Variants in EPHB1 observed in about 807,000 individuals in gnomAD.
EPHB1 encodes the protein ephrin type-B receptor 1.
In EPHB1, 30 loss-of-function variants were observed where a neutral mutation model predicts 94.4. The observed-to-expected ratio is 0.32, with a 90% CI of 0.24 to 0.43. The LOEUF is 0.43. Among genes scored for constraint, EPHB1 ranks in the 20% least tolerant of loss-of-function variants. The pLI is 1.00. For missense variants in EPHB1, 1,055 were observed against 1,308.3 expected (o/e 0.81, Z 2.99); for synonymous variants, 522 against 489.1 (o/e 1.07, Z -0.89).
rs575783196 is a variant in EPHB1 at position 135,028,229 on chromosome 3, T to A, written c.805+76177T>A. 1.4e-3 allele frequency among the ~76,000 whole-genome samples: 214 copies of A among 147,742 alleles called. 3 individuals are homozygous for A. The highest frequency in any genetic ancestry group is 0.013 in the Admixed American group (197 of 14,958). On this transcript the variant is annotated intron_variant, in intron 3 of 15. Coordinates refer to ENST00000398015, the MANE Select transcript of EPHB1 (RefSeq NM_004441.5). Reference sequence around the variant, plus strand: ...TTTTTTGTGTCTCTATTTCCTTCAGTTCTGCTCTGATTTTAGTTATTTCTT... The same window carrying A: ...TTTTTTGTGTCTCTATTTCCTTCAGATCTGCTCTGATTTTAGTTATTTCTT...
At chr3:134,815,251 T>C in intron 1 of EPHB1, among the ~76,000 whole-genome samples, 1 of 152,246 alleles carries the variant, frequency 6.6e-6, no homozygotes, top group East Asian at 1.9e-4. Context: ...AACTGCATTG[T>C]GGTCAAATAA....
intron 1 of EPHB1, among the ~76,000 whole-genome samples, chr3:134,824,720 C>T (rs1161779511): frequency 6.6e-6 from 1 of 152,180 alleles, no homozygotes; most frequent in Non-Finnish European, 1.5e-5. Flanking sequence ...TCTAGGGACT[C>T]TAGCTGTTAG....
intron 1 of EPHB1, among the ~76,000 whole-genome samples, chr3:134,818,456 G>T (rs2036311545): frequency 6.6e-6 from 1 of 152,188 alleles, no homozygotes; most frequent in Non-Finnish European, 1.5e-5. Flanking sequence ...TGATTTGTGA[G>T]ATTTTGGTGC....
chr3:135,066,841 G>A (rs981697787), intron 3 of EPHB1, among the ~76,000 whole-genome samples: 7 of 152,166 alleles, frequency 4.6e-5, no homozygotes, highest in Admixed American at 1.3e-4. Flanking sequence ...GAGGGAAAGG[G>A]CTGAAGGCTG....
intron 12 of EPHB1, among the ~76,000 whole-genome samples, chr3:135,217,605 C>T (rs1462679973): frequency 6.6e-6 from 1 of 152,136 alleles, no homozygotes; most frequent in African/African-American, 2.4e-5. Flanking sequence ...CAGGGCTACC[C>T]AGAAACATAC....
chr3:135,030,225 G>A (rs545923156), intron 3 of EPHB1, among the ~76,000 whole-genome samples: 98 of 152,260 alleles, frequency 6.4e-4, no homozygotes, highest in Admixed American at 1.3e-3. Context: ...CTCTCAGCTC[G>A]TCAAAGTCAT....
intron 1 of EPHB1, among the ~76,000 whole-genome samples, chr3:134,891,634 A>T (rs1433223870): frequency 1.3e-5 from 2 of 152,194 alleles, no homozygotes; most frequent in African/African-American, 4.8e-5. Flanking sequence ...TATATAATAG[A>T]TTCTCTATTG....
chr3:134,915,516 TTGG>T (rs1028327880), intron 1 of EPHB1, among the ~76,000 whole-genome samples: 1 of 152,136 alleles, frequency 6.6e-6, no homozygotes, highest in African/African-American at 2.4e-5. Flanking sequence ...GTGTCTGGAA[TTGG>T]TGGGTTCTTG....
chr3:135,126,549 C>A lies in EPHB1; in HGVS notation c.962-6165C>A, dbSNP rs571195489. On this transcript the variant is annotated intron_variant, in intron 4 of 15. Coordinates refer to ENST00000398015, the MANE Select transcript of EPHB1 (RefSeq NM_004441.5). ...AGCCCAGTACCTAATAAGAACTGGA[C>A]CCATTCTGGAGACACAGCCCCATGC... Among the ~76,000 whole-genome samples the A allele has an allele frequency of 1.4e-4, 22 of 152,272 alleles. No individual in the cohort carries two copies. In the South Asian group the frequency reaches 4.1e-3, roughly 29 times the overall value.
chr3:135,087,960 C>T lies in EPHB1; in HGVS notation c.806-18488C>T, dbSNP rs765896656. On this transcript the variant is annotated intron_variant, in intron 3 of 15. Transcript: ENST00000398015. The stretch of plus-strand genomic sequence containing the variant: ...ACCCAGCAGCCACATCCATGCATCA[C>T]GTTTTTACATCTGGTCAGGAATTCA... Among the ~76,000 whole-genome samples, 7 of 152,176 alleles carry T rather than the reference C, an allele frequency of 4.6e-5. No homozygotes were observed. The East Asian group carries it at 5.8e-4, about 13-fold the overall frequency.
rs183224136 is a variant in EPHB1 at position 134,830,306 on chromosome 3, G to A, written c.58+34617G>A. Among the ~76,000 whole-genome samples the A allele has an allele frequency of 4.7e-3, 711 of 152,104 alleles. 3 individuals are homozygous for A. The highest frequency in any genetic ancestry group is 0.017 in the African/African-American group (693 of 41,480). ...GCCACAGTACAATAATCAAAATCAGGGAATTAACACACATACAATATTATT... is the reference window on the plus strand; with the variant it reads ...GCCACAGTACAATAATCAAAATCAGAGAATTAACACACATACAATATTATT... On this transcript the variant is annotated intron_variant, in intron 1 of 15. Transcript: ENST00000398015.
At chr3:134,804,064 A>G (rs1193426467) in intron 1 of EPHB1, among the ~76,000 whole-genome samples, 1 of 70,232 alleles carries the variant, frequency 1.4e-5, no homozygotes, top group East Asian at 4.1e-4. Flanking sequence ...TGTGGTCATT[A>G]TTGGCTATTT....
At chr3:135,117,183 AATGT>A (rs573908668) in intron 4 of EPHB1, among the ~76,000 whole-genome samples, 253 of 152,360 alleles carry the variant, frequency 1.7e-3, no homozygotes, top group Middle Eastern at 0.01. Flanking sequence ...GTTTCTGAAT[AATGT>A]ATGAAGTTAG....
At chr3:135,161,646 A>G (rs7634851) in intron 6 of EPHB1, among the ~76,000 whole-genome samples, 1 of 152,092 alleles carries the variant, frequency 6.6e-6, no homozygotes, top group Non-Finnish European at 1.5e-5. Flanking sequence ...GCCTAGTTTG[A>G]GTCTGCTGAG....
intron 9 of EPHB1, among the ~76,000 whole-genome samples, chr3:135,168,461 T>C (rs148765352): frequency 6.6e-6 from 1 of 152,368 alleles, no homozygotes; most frequent in East Asian, 1.9e-4. Flanking sequence ...TCTCTTTCCT[T>C]TCCTATGGCC....
At chr3:135,120,592 C>T (rs933422885) in intron 4 of EPHB1, among the ~76,000 whole-genome samples, 1 of 152,194 alleles carries the variant, frequency 6.6e-6, no homozygotes, top group African/African-American at 2.4e-5. Flanking sequence ...TCAGGACTTT[C>T]TCTTGGGTGA....
chr3:134,973,783 G>A (rs1934077103), intron 3 of EPHB1, among the ~76,000 whole-genome samples: 1 of 152,128 alleles, frequency 6.6e-6, no homozygotes, highest in South Asian at 2.1e-4. Flanking sequence ...AAATGCCAAG[G>A]GTTGGTAGGA....
At chr3:135,080,430 T>C (rs745616521) in intron 3 of EPHB1, among the ~76,000 whole-genome samples, 7 of 152,224 alleles carry the variant, frequency 4.6e-5, no homozygotes, top group African/African-American at 7.2e-5. Flanking sequence ...GAATTGTTTC[T>C]GGGGTAAGTG....
intron 1 of EPHB1, among the ~76,000 whole-genome samples, chr3:134,814,539 G>T (rs894812007): frequency 6.6e-6 from 1 of 152,124 alleles, no homozygotes; most frequent in Non-Finnish European, 1.5e-5. Flanking sequence ...CCTATTGAAG[G>T]TATAGTGGAT....
Sources: gnomAD v4.1 joint callset for allele counts (sites outside exome capture counted in the v4.1 genomes callset) on GRCh38, gnomAD v4.1.1 for gene constraint, MANE v1.5 for transcripts, NCBI Gene and HGNC (gene_info 2026-07-23, HGNC 2026-07-21) for gene names.